The following RGS22 variants were observed in gnomAD, a reference collection of about 807,000 sequenced individuals.
RGS22 encodes regulator of G protein signaling 22, also known as regulator of G-protein signaling 22.
Under a neutral mutation model 172.9 loss-of-function variants are expected in RGS22, and 148 were observed. That is an observed-to-expected ratio of 0.86 (90% CI 0.75 to 0.98). The LOEUF is 0.98. RGS22 is among the 50% of genes least tolerant of loss of function. RGS22 has a pLI of 0.00. For missense variants in RGS22, 1,347 were observed against 1,440.8 expected (o/e 0.93, Z 1.05); for synonymous variants, 458 against 480.2 (o/e 0.95, Z 0.60).
rs150018731 is a variant in RGS22 at position 99,978,066 on chromosome 8, A to C, written c.3370T>G (p.Phe1124Val). The change falls in exon 23 of 28, where the codon TTT becomes GTT. Residue 1124 changes from phenylalanine (F) to valine (V), a missense_variant. Coordinates refer to ENST00000360863, the MANE Select transcript of RGS22 (RefSeq NM_015668.5). ...GGCCAGAATTTAAACAGAACCCCAA[A>C]AATTGTCATCTGTATAAAAAAAAGT... ...YVFREAQMTI[F>V]GVLFKFWPQF... 1.7e-5 allele frequency: 26 copies of C among 1,512,248 alleles called. No homozygotes were observed. The highest frequency in any genetic ancestry group is 8.8e-6 in the Non-Finnish European group (10 of 1,140,872). The allele number at this position is 1,512,248 out of a possible 1,614,324, so 93.7% of individuals were successfully genotyped here.
intron 4 of RGS22, among the ~76,000 whole-genome samples, chr8:100,075,728 C>T (rs1811298790): frequency 6.6e-6 from 1 of 152,132 alleles, no homozygotes; most frequent in Non-Finnish European, 1.5e-5. Context: ...TTTCAATACT[C>T]TTGAGTATAT....
chr8:100,052,743 C>G, intron 10 of RGS22, 59 bp downstream of exon 10: 1 of 1,448,854 alleles, frequency 6.9e-7, no homozygotes. Context: ...CACAAACACT[C>G]AAGCATACAT....
intron 14 of RGS22, among the ~76,000 whole-genome samples, chr8:100,026,281 T>G (rs1818165135): frequency 6.6e-6 from 1 of 152,206 alleles, no homozygotes; most frequent in South Asian, 2.1e-4. Context: ...GAGACTGAAA[T>G]GACCTAGGGC....
intron 3 of RGS22, 150 bp downstream of exon 3, chr8:100,093,297 A>T: frequency 1.9e-6 from 1 of 519,884 alleles, no homozygotes; most frequent in Non-Finnish European, 3.5e-6. Flanking sequence ...CAAATGATTA[A>T]CTATGTAAAA....
intron 16 of RGS22, among the ~76,000 whole-genome samples, chr8:100,005,153 TA>T (rs1753058073): frequency 6.6e-6 from 1 of 152,052 alleles, no homozygotes; most frequent in Non-Finnish European, 1.5e-5. Context: ...CTTTGCAAGC[TA>T]GTAGTAGTGT....
At chr8:99,963,432 AT>A (rs1391171340) in intron 24 of RGS22, among the ~76,000 whole-genome samples, 3 of 152,154 alleles carry the variant, frequency 2.0e-5, no homozygotes, top group African/African-American at 7.2e-5. Context: ...CTTAGGAAAG[AT>A]CTTTATATAT....
intron 14 of RGS22, among the ~76,000 whole-genome samples, chr8:100,032,638 G>A (rs1434532429): frequency 1.3e-5 from 2 of 151,904 alleles, no homozygotes; most frequent in Non-Finnish European, 2.9e-5. Context: ...GATATTCAGG[G>A]CTTGAACTCA....
At chr8:100,013,042 T>G (rs1435629119) in intron 14 of RGS22, among the ~76,000 whole-genome samples, 3 of 139,798 alleles carry the variant, frequency 2.1e-5, no homozygotes, top group South Asian at 4.6e-4. Flanking sequence ...CAGGCTGGAG[T>G]GCAGTGGCGT....
chr8:100,023,931 C>T (rs1817889292), intron 14 of RGS22: 1 of 152,590 alleles, frequency 6.6e-6, no homozygotes, highest in South Asian at 2.1e-4. Flanking sequence ...TTCATTGCTG[C>T]TCCAATACAA....
chr8:100,039,895 T>C, intron 13 of RGS22, 67 bp downstream of exon 13: 1 of 981,934 alleles, frequency 1.0e-6, no homozygotes, highest in Non-Finnish European at 1.4e-6. Context: ...AGCACTTAAT[T>C]ATTTTGATGT....
chr8:100,095,784 C>G (rs997295857), intron 2 of RGS22, among the ~76,000 whole-genome samples: 6 of 152,298 alleles, frequency 3.9e-5, no homozygotes, highest in Admixed American at 6.5e-5. Flanking sequence ...TTTGCACTTA[C>G]AGAAAACTAT....
intron 24 of RGS22, among the ~76,000 whole-genome samples, chr8:99,963,470 G>A (rs1810418995): frequency 6.6e-6 from 1 of 152,094 alleles, no homozygotes; most frequent in Non-Finnish European, 1.5e-5. Context: ...TCAAGTTTTA[G>A]GGGGAGAGTA....
At chr8:100,058,171 CAAAAA>C (rs71512460) in intron 9 of RGS22, among the ~76,000 whole-genome samples, 1 of 56,080 alleles carries the variant, frequency 1.8e-5, no homozygotes, top group Non-Finnish European at 4.3e-5. Context: ...ACAGAGGAGA[CAAAAA>C]AAAAAAAAAA....
intron 14 of RGS22, among the ~76,000 whole-genome samples, chr8:100,023,594 T>G (rs1257972176): frequency 6.6e-6 from 1 of 151,948 alleles, no homozygotes; most frequent in Non-Finnish European, 1.5e-5. Context: ...CCACCACACC[T>G]GGCTAATTTT....
intron 3 of RGS22, among the ~76,000 whole-genome samples, chr8:100,082,412 G>A (rs148631986): frequency 3.3e-5 from 5 of 152,238 alleles, no homozygotes; most frequent in Non-Finnish European, 5.9e-5. Context: ...ACAATAGTAG[G>A]TCTATTGCTC....
At chr8:100,002,501 C>T (rs1815203409) in intron 17 of RGS22, 137 bp from the exon 18 acceptor site, 4 of 719,256 alleles carry the variant, frequency 5.6e-6, no homozygotes, top group Non-Finnish European at 8.7e-6. Context: ...AAATAACGAA[C>T]CCAATATTGT....
intron 14 of RGS22, among the ~76,000 whole-genome samples, chr8:100,034,475 C>A (rs1819217584): frequency 6.6e-6 from 1 of 152,112 alleles, no homozygotes; most frequent in African/African-American, 2.4e-5. Flanking sequence ...AGGACACAAA[C>A]AAATGGAAAA....
At chr8:99,990,158 C>T (rs914672262) in intron 20 of RGS22, among the ~76,000 whole-genome samples, 1 of 152,102 alleles carries the variant, frequency 6.6e-6, no homozygotes, top group African/African-American at 2.4e-5. Context: ...AATAGAGCTC[C>T]TTATTCAGGA....
intron 23 of RGS22, 150 bp downstream of exon 23, chr8:99,977,767 T>A: frequency 1.7e-6 from 1 of 587,734 alleles, no homozygotes; most frequent in South Asian, 2.7e-5. Flanking sequence ...ATTCCAAAAG[T>A]CTGAAGCTTC....
Sources: gnomAD v4.1 joint callset for allele counts (sites outside exome capture counted in the v4.1 genomes callset) on GRCh38, gnomAD v4.1.1 for gene constraint, MANE v1.5 for transcripts, NCBI Gene and HGNC (gene_info 2026-07-23, HGNC 2026-07-21) for gene names.